Variants in STXBP5L observed in about 807,000 individuals in gnomAD.
STXBP5L encodes the protein syntaxin binding protein 5L.
In STXBP5L, 65 loss-of-function variants were observed where a neutral mutation model predicts 144.5. The ratio of observed to expected loss-of-function variants is 0.45; its 90% CI spans 0.37 to 0.55. STXBP5L has a LOEUF of 0.55. Ranked by LOEUF, STXBP5L falls within the 20% of genes least tolerant of loss-of-function variation. The pLI is 0.00. For synonymous variants in STXBP5L, 505 were observed against 469.6 expected (o/e 1.08, Z -0.97); for missense variants, 1,298 against 1,405.5 (o/e 0.92, Z 1.22).
At chr3:121,136,523 A>T (rs1384175624) in intron 7 of STXBP5L, among the ~76,000 whole-genome samples, 2 of 152,162 alleles carry the variant, frequency 1.3e-5, no homozygotes, top group African/African-American at 4.8e-5. Context: ...AAACTACAAT[A>T]AGCTACCATC....
At chr3:120,950,118 A>C (rs577544833) in intron 2 of STXBP5L, among the ~76,000 whole-genome samples, 2 of 152,160 alleles carry the variant, frequency 1.3e-5, no homozygotes, top group South Asian at 4.1e-4. Flanking sequence ...AGATTTAAAC[A>C]GATTTCTTTA....
At chr3:121,353,856 G>A (rs994108133) in intron 20 of STXBP5L, among the ~76,000 whole-genome samples, 1 of 152,158 alleles carries the variant, frequency 6.6e-6, no homozygotes, top group Admixed American at 6.5e-5. Context: ...TGCTTTAAAT[G>A]TGTCCCAGAG....
At chr3:121,124,641 T>C (rs2107864333) in intron 7 of STXBP5L, among the ~76,000 whole-genome samples, 1 of 152,188 alleles carries the variant, frequency 6.6e-6, no homozygotes, top group African/African-American at 2.4e-5. Flanking sequence ...TGTATTCAGT[T>C]GCATCATTGA....
chr3:121,102,367 T>G (rs906257794), intron 5 of STXBP5L, among the ~76,000 whole-genome samples: 2 of 151,982 alleles, frequency 1.3e-5, no homozygotes, highest in Non-Finnish European at 2.9e-5. Flanking sequence ...CAAAGAGAGA[T>G]AGACCAATGG....
intron 10 of STXBP5L, among the ~76,000 whole-genome samples, chr3:121,211,981 T>C (rs2048591603): frequency 1.3e-5 from 2 of 152,216 alleles, no homozygotes; most frequent in South Asian, 4.1e-4. Flanking sequence ...GATGAGCTTT[T>C]TTTCATGTTT....
chr3:121,137,316 A>G (rs2045306538), intron 7 of STXBP5L, among the ~76,000 whole-genome samples: 2 of 152,192 alleles, frequency 1.3e-5, no homozygotes. Context: ...AGAAAAAAGA[A>G]TGAAGACCAA....
Position 121,028,060 on chromosome 3 carries a change from C to T in STXBP5L, c.288-13640C>T, listed in dbSNP as rs969659426. ...AAAAATTCAGTCAGTTAAATTTCTT[C>T]AGAAATCACATACGCAATATACATT... On this transcript the variant is annotated intron_variant, in intron 3 of 26. Coordinates refer to ENST00000471454, the MANE Select transcript of STXBP5L (RefSeq NM_001308330.2). Among the ~76,000 whole-genome samples, 3 of 152,098 alleles carry T rather than the reference C, an allele frequency of 2.0e-5. No individual in the cohort carries two copies. In the South Asian group the frequency reaches 6.2e-4, roughly 31 times the overall value.
chr3:121,121,240 T>A (rs1019690814), intron 6 of STXBP5L, among the ~76,000 whole-genome samples: 3 of 151,276 alleles, frequency 2.0e-5, no homozygotes, highest in Admixed American at 6.6e-5. Flanking sequence ...AAAGGAAATC[T>A]TAAATCAGGT....
intron 11 of STXBP5L, among the ~76,000 whole-genome samples, chr3:121,230,224 A>G (rs947950721): frequency 6.6e-6 from 1 of 152,214 alleles, no homozygotes; most frequent in Admixed American, 6.5e-5. Context: ...ATATCAGGCA[A>G]ATATTATAAA....
At chr3:121,127,419 C>T (rs967588322) in intron 7 of STXBP5L, among the ~76,000 whole-genome samples, 3 of 152,030 alleles carry the variant, frequency 2.0e-5, no homozygotes, top group African/African-American at 7.2e-5. Flanking sequence ...CGTGCTCCCT[C>T]TGAAGACTCT....
intron 2 of STXBP5L, among the ~76,000 whole-genome samples, chr3:120,928,998 T>G (rs1279130557): frequency 6.6e-6 from 1 of 152,004 alleles, no homozygotes; most frequent in Non-Finnish European, 1.5e-5. Context: ...GTGGGAGAGC[T>G]TTGTGGTGAA....
intron 9 of STXBP5L, among the ~76,000 whole-genome samples, chr3:121,201,026 C>A (rs1191289): frequency 0.49 from 74,361 of 151,952 alleles, 18,644 homozygotes; most frequent in East Asian, 0.73. Flanking sequence ...AAGTTCAAGT[C>A]CTGAATATCC....
intron 10 of STXBP5L, among the ~76,000 whole-genome samples, chr3:121,208,351 G>C (rs1013858641): frequency 1.4e-5 from 2 of 145,110 alleles, no homozygotes; most frequent in African/African-American, 5.0e-5. Context: ...GGGGAGGGGG[G>C]AAGGATAGTA....
chr3:120,958,416 G>A (rs954514041), intron 3 of STXBP5L, among the ~76,000 whole-genome samples: 2 of 152,042 alleles, frequency 1.3e-5, no homozygotes, highest in East Asian at 3.9e-4. Flanking sequence ...TATCAGGCCA[G>A]CATCATCCTG....
intron 19 of STXBP5L, among the ~76,000 whole-genome samples, chr3:121,293,431 T>C (rs1041693768): frequency 2.0e-5 from 3 of 150,578 alleles, no homozygotes; most frequent in Non-Finnish European, 2.9e-5. Flanking sequence ...TATGGATGTA[T>C]ACGTATGTCA....
At chr3:121,376,546 T>C (rs1158917235) in intron 20 of STXBP5L, among the ~76,000 whole-genome samples, 13 of 152,176 alleles carry the variant, frequency 8.5e-5, no homozygotes. Context: ...TGGTTGTAGA[T>C]GTGTGGTATT....
chr3:121,333,973 G>C (rs2044415084), intron 20 of STXBP5L, among the ~76,000 whole-genome samples: 1 of 151,992 alleles, frequency 6.6e-6, no homozygotes, highest in Admixed American at 6.6e-5. Context: ...GAGGGACCTG[G>C]TGGGAGATAA....
chr3:120,910,321 C>T (rs768537086), intron 2 of STXBP5L, among the ~76,000 whole-genome samples: 1 of 152,066 alleles, frequency 6.6e-6, no homozygotes, highest in Non-Finnish European at 1.5e-5. Context: ...TCAAAAATAG[C>T]GGGTGTTCTG....
chr3:120,908,926 C>T (rs1022297845), intron 1 of STXBP5L, among the ~76,000 whole-genome samples: 1 of 151,668 alleles, frequency 6.6e-6, no homozygotes, highest in African/African-American at 2.4e-5. Flanking sequence ...CTCCTCCTCC[C>T]CCCCTCCCCG....
Sources: gnomAD v4.1 joint callset for allele counts (sites outside exome capture counted in the v4.1 genomes callset) on GRCh38, gnomAD v4.1.1 for gene constraint, MANE v1.5 for transcripts, NCBI Gene and HGNC (gene_info 2026-07-23, HGNC 2026-07-21) for gene names.